CPE: variants seen among roughly 807,000 people sequenced by gnomAD.
CPE encodes carbocypeptidase E.
In CPE, 17 loss-of-function variants were observed where a neutral mutation model predicts 53.5. That is an observed-to-expected ratio of 0.32 (90% CI 0.22 to 0.48). The LOEUF (loss-of-function observed/expected upper bound fraction) is 0.48, where lower values mean the gene tolerates loss of function less well. Among genes scored for constraint, CPE ranks in the 20% least tolerant of loss-of-function variants. The pLI, the probability that CPE is intolerant of heterozygous loss-of-function variation, is 0.99. For synonymous variants in CPE, 226 were observed against 228.8 expected (o/e 0.99, Z 0.11); for missense variants, 524 against 614.7 (o/e 0.85, Z 1.56).
intron 3 of CPE, among the ~76,000 whole-genome samples, chr4:165,481,350 C>T (rs1732408614): frequency 6.6e-6 from 1 of 152,130 alleles, no homozygotes; most frequent in African/African-American, 2.4e-5. Context: ...TATTCATAAA[C>T]AGAGCAGAGC....
At chr4:165,448,549 T>C (rs1478757326) in intron 1 of CPE, among the ~76,000 whole-genome samples, 1 of 152,094 alleles carries the variant, frequency 6.6e-6, no homozygotes. Context: ...CACTTCTCTC[T>C]GGGCATGGGA....
intron 1 of CPE, among the ~76,000 whole-genome samples, chr4:165,388,891 A>G (rs765373158): frequency 6.6e-6 from 1 of 152,178 alleles, no homozygotes; most frequent in Non-Finnish European, 1.5e-5. Context: ...TAAGTTTACT[A>G]GAGGAAACCA....
intron 1 of CPE, among the ~76,000 whole-genome samples, chr4:165,456,504 C>G (rs1731903621): frequency 6.6e-6 from 1 of 151,618 alleles, no homozygotes; most frequent in Non-Finnish European, 1.5e-5. Context: ...CTAATTTCAT[C>G]TTTCTTTCTT....
In CPE at chr4:165,498,513, G is replaced by T. The variant is rs1579287887; in HGVS notation, c.*903G>T. ...GTGGCAGGCAAAAGGTTCTGATTTT[G>T]GGCACAACCTTTATATAAATAACAC... On this transcript the variant is annotated 3_prime_UTR_variant, in exon 9 of 9. Coordinates refer to ENST00000402744, the MANE Select transcript of CPE (RefSeq NM_001873.4). Among the ~76,000 whole-genome samples the T allele has an allele frequency of 6.6e-6, 1 of 152,028 alleles. No individual in the cohort carries two copies. The highest frequency in any genetic ancestry group is 2.1e-4 in the South Asian group (1 of 4,824).
At chr4:165,417,644 A>T (rs1275194903) in intron 1 of CPE, among the ~76,000 whole-genome samples, 1 of 151,972 alleles carries the variant, frequency 6.6e-6, no homozygotes, top group Non-Finnish European at 1.5e-5. Context: ...AGAGAAAGTG[A>T]TGTAGAAAAA....
At chr4:165,441,048 G>A (rs891094438) in intron 1 of CPE, among the ~76,000 whole-genome samples, 1 of 152,160 alleles carries the variant, frequency 6.6e-6, no homozygotes, top group Non-Finnish European at 1.5e-5. Context: ...AGTCGGAGAC[G>A]TGCAGGTGCT....
At chr4:165,390,337 C>T (rs1217103420) in intron 1 of CPE, among the ~76,000 whole-genome samples, 1 of 152,156 alleles carries the variant, frequency 6.6e-6, no homozygotes, top group African/African-American at 2.4e-5. Flanking sequence ...TGCAGGTCCT[C>T]ATTCTGTTCT....
intron 2 of CPE, among the ~76,000 whole-genome samples, chr4:165,465,719 C>T (rs183180548): frequency 3.4e-4 from 51 of 152,058 alleles, no homozygotes; most frequent in Non-Finnish European, 4.4e-5. Flanking sequence ...AATCATAAAG[C>T]CCTAGAACTT....
chr4:165,382,784 A>C (rs987223670), intron 1 of CPE, among the ~76,000 whole-genome samples: 2 of 152,230 alleles, frequency 1.3e-5, no homozygotes, highest in Non-Finnish European at 2.9e-5. Context: ...TGCTTGGTAC[A>C]GGACATGGGG....
chr4:165,470,114 G>A (rs973078655), intron 3 of CPE, among the ~76,000 whole-genome samples: 8 of 152,186 alleles, frequency 5.3e-5, no homozygotes, highest in African/African-American at 1.9e-4. Flanking sequence ...CAGAGTGAGA[G>A]ACTAAAGCAA....
intron 3 of CPE, among the ~76,000 whole-genome samples, chr4:165,475,304 G>A (rs1204022043): frequency 1.3e-5 from 2 of 152,178 alleles, no homozygotes; most frequent in Non-Finnish European, 2.9e-5. Context: ...GGGACAAAAA[G>A]TATACAATAA....
chr4:165,384,823 A>G lies in CPE; in HGVS notation c.307+5295A>G, dbSNP rs1437102613. 3.3e-5 allele frequency among the ~76,000 whole-genome samples: 5 copies of G among 152,246 alleles called. No homozygotes were observed. The East Asian group carries it at 5.8e-4, about 18-fold the overall frequency. On this transcript the variant is annotated intron_variant, in intron 1 of 8. Coordinates refer to ENST00000402744, the MANE Select transcript of CPE (RefSeq NM_001873.4). ...AGGGAGCTCTTCAGGGGTAGGGAACATATGTTTTCCATTTTTTCCCTCCAT... is the reference window on the plus strand; with the variant it reads ...AGGGAGCTCTTCAGGGGTAGGGAACGTATGTTTTCCATTTTTTCCCTCCAT...
chr4:165,410,730 T>C (rs920554149), intron 1 of CPE, among the ~76,000 whole-genome samples: 2 of 152,200 alleles, frequency 1.3e-5, no homozygotes, highest in African/African-American at 4.8e-5. Context: ...AAACCTGATA[T>C]TAGAGAATGA....
intron 5 of CPE, among the ~76,000 whole-genome samples, chr4:165,485,106 T>G (rs1283747072): frequency 6.6e-6 from 1 of 152,134 alleles, no homozygotes; most frequent in Non-Finnish European, 1.5e-5. Context: ...CTCTATGAGA[T>G]CAGGTAGCTT....
intron 1 of CPE, among the ~76,000 whole-genome samples, chr4:165,389,439 GT>G (rs563513769): frequency 6.6e-6 from 1 of 152,000 alleles, no homozygotes; most frequent in Non-Finnish European, 1.5e-5. Context: ...TCTCAAGAAT[GT>G]TTTTTTCAGG....
At chr4:165,425,348 A>G (rs1262781710) in intron 1 of CPE, among the ~76,000 whole-genome samples, 1 of 150,956 alleles carries the variant, frequency 6.6e-6, no homozygotes, top group Non-Finnish European at 1.5e-5. Flanking sequence ...AAAAAAAATT[A>G]CTATTTCTTC....
chr4:165,486,466 C>G, intron 5 of CPE, among the ~76,000 whole-genome samples: 1 of 151,898 alleles, frequency 6.6e-6, no homozygotes, highest in Non-Finnish European at 1.5e-5. Context: ...ATTCTAGGAC[C>G]CCAAATTCAT....
intron 1 of CPE, among the ~76,000 whole-genome samples, chr4:165,413,265 G>A (rs747510737): frequency 1.4e-4 from 22 of 152,010 alleles, no homozygotes; most frequent in African/African-American, 5.1e-4. Flanking sequence ...CATGTCCAAC[G>A]CCACTTTTCC....
At chr4:165,477,325 C>A (rs986824098) in intron 3 of CPE, among the ~76,000 whole-genome samples, 1 of 151,770 alleles carries the variant, frequency 6.6e-6, no homozygotes, top group Admixed American at 6.6e-5. Flanking sequence ...AGTGTGACTT[C>A]TTTTCATAAA....
Sources: allele counts gnomAD v4.1 joint callset (sites outside exome capture counted in the v4.1 genomes callset), GRCh38; gene constraint gnomAD v4.1.1; transcripts MANE v1.5; gene names NCBI Gene and HGNC (gene_info 2026-07-23, HGNC 2026-07-21).